IGSF21: variants seen among roughly 807,000 people sequenced by gnomAD.
The protein encoded by IGSF21 is immunoglobin superfamily member 21, also known as immunoglobulin superfamily member 21.
IGSF21 carries 28 observed loss-of-function variants against 46.8 expected under a neutral mutation model. That is an observed-to-expected ratio of 0.60 (90% CI 0.44 to 0.82). The LOEUF (loss-of-function observed/expected upper bound fraction) is 0.82. Among genes scored for constraint, IGSF21 ranks in the 40% least tolerant of loss-of-function variants. The probability of loss-of-function intolerance (pLI) is 0.00; values close to 1 mark genes in which losing one functional copy is unlikely to be tolerated. For synonymous variants in IGSF21, 284 were observed against 273.6 expected (o/e 1.04, Z -0.38); for missense variants, 624 against 665.5 (o/e 0.94, Z 0.69).
intron 1 of IGSF21, among the ~76,000 whole-genome samples, chr1:18,154,594 G>A (rs919333620): frequency 3.3e-5 from 5 of 151,068 alleles, no homozygotes; most frequent in African/African-American, 7.3e-5. Context: ...GAGGCCCAGG[G>A]CAGGGCTGGG....
chr1:18,176,943 A>C (rs2086805410), intron 1 of IGSF21, among the ~76,000 whole-genome samples: 2 of 152,198 alleles, frequency 1.3e-5, no homozygotes, highest in South Asian at 4.1e-4. Context: ...GGCACTTGAC[A>C]TACAGCGCTT....
At chr1:18,136,307 G>A (rs1191633772) in intron 1 of IGSF21, among the ~76,000 whole-genome samples, 11 of 152,060 alleles carry the variant, frequency 7.2e-5, no homozygotes, top group African/African-American at 2.4e-4. Context: ...CATTGCTTTT[G>A]GTGTTTTAGA....
At chr1:18,358,224 A>C (rs2086045735) in intron 4 of IGSF21, among the ~76,000 whole-genome samples, 1 of 152,180 alleles carries the variant, frequency 6.6e-6, no homozygotes, top group Non-Finnish European at 1.5e-5. Context: ...TACTTATAAA[A>C]TGGAAAGTCT....
intron 2 of IGSF21, among the ~76,000 whole-genome samples, chr1:18,237,954 G>A (rs1219913278): frequency 2.0e-5 from 3 of 152,122 alleles, no homozygotes; most frequent in Admixed American, 6.5e-5. Flanking sequence ...CTTGGGCCAG[G>A]GATTCTATGT....
chr1:18,369,763 G>T (rs1185641934), intron 6 of IGSF21, among the ~76,000 whole-genome samples: 1 of 152,180 alleles, frequency 6.6e-6, no homozygotes, highest in East Asian at 1.9e-4. Context: ...CTCTTCCCTT[G>T]CAGGGATGCC....
At chr1:18,152,805 C>A (rs2124435418) in intron 1 of IGSF21, among the ~76,000 whole-genome samples, 1 of 152,244 alleles carries the variant, frequency 6.6e-6, no homozygotes, top group African/African-American at 2.4e-5. Flanking sequence ...CAAGATGCCG[C>A]TTCTTCACGT....
chr1:18,350,250 G>T (rs1321331576), intron 4 of IGSF21, among the ~76,000 whole-genome samples: 8 of 152,200 alleles, frequency 5.3e-5, no homozygotes, highest in African/African-American at 1.9e-4. Flanking sequence ...TGGGCCAGGG[G>T]ACTCTCCCTG....
chr1:18,119,908 G>A (rs2086219644), intron 1 of IGSF21, among the ~76,000 whole-genome samples: 1 of 152,184 alleles, frequency 6.6e-6, no homozygotes, highest in South Asian at 2.1e-4. Context: ...AGTTAAAAAT[G>A]TTAAGTACAT....
At chr1:18,196,559 C>G (rs566300138) in intron 1 of IGSF21, among the ~76,000 whole-genome samples, 4 of 152,314 alleles carry the variant, frequency 2.6e-5, no homozygotes, top group African/African-American at 9.6e-5. Context: ...AAGGTACCCC[C>G]TGAAAAATTA....
intron 1 of IGSF21, among the ~76,000 whole-genome samples, chr1:18,223,888 G>A (rs978651872): frequency 5.3e-5 from 8 of 152,164 alleles, no homozygotes; most frequent in African/African-American, 1.9e-4. Flanking sequence ...AGCTTCCTGC[G>A]GGGATGAGAA....
intron 1 of IGSF21, among the ~76,000 whole-genome samples, chr1:18,214,542 T>C (rs555450983): frequency 1.3e-5 from 2 of 152,266 alleles, no homozygotes; most frequent in South Asian, 4.1e-4. Flanking sequence ...GTTTTCACAC[T>C]GCTATAAAGA....
chr1:18,373,145 G>T (rs1569899630), intron 6 of IGSF21, among the ~76,000 whole-genome samples: 1 of 152,158 alleles, frequency 6.6e-6, no homozygotes, highest in East Asian at 1.9e-4. Flanking sequence ...CAGGGTGGTA[G>T]CCTATTCTCC....
chr1:18,148,649 C>G (rs1305213656), intron 1 of IGSF21, among the ~76,000 whole-genome samples: 1 of 152,152 alleles, frequency 6.6e-6, no homozygotes. Context: ...TGCTGCATCC[C>G]CAGTGCCTAG....
intron 1 of IGSF21, among the ~76,000 whole-genome samples, chr1:18,207,575 A>G (rs534886168): frequency 1.3e-5 from 2 of 152,364 alleles, no homozygotes; most frequent in African/African-American, 2.4e-5. Flanking sequence ...CTCAAAGAGC[A>G]TTTATTAAGC....
chr1:18,294,247 T>C (rs566654340), intron 3 of IGSF21, among the ~76,000 whole-genome samples: 7 of 152,312 alleles, frequency 4.6e-5, no homozygotes, highest in African/African-American at 1.2e-4. Context: ...TGTGAGGAGC[T>C]GATGGCGTGC....
chr1:18,181,071 T>C (rs1049867170), intron 1 of IGSF21, among the ~76,000 whole-genome samples: 3 of 152,180 alleles, frequency 2.0e-5, no homozygotes, highest in Admixed American at 2.0e-4. Flanking sequence ...TCCCTTCTTC[T>C]GCATCCAGGC....
At chr1:18,273,409 C>CTCA in intron 2 of IGSF21, among the ~76,000 whole-genome samples, 1 of 146,000 alleles carries the variant, frequency 6.8e-6, no homozygotes, top group African/African-American at 2.6e-5. Context: ...CCTTTCCTTT[C>CTCA]CTTTCTTTTC....
chr1:18,257,964 A>G (rs983680179), intron 2 of IGSF21, among the ~76,000 whole-genome samples: 2 of 152,156 alleles, frequency 1.3e-5, no homozygotes, highest in African/African-American at 4.8e-5. Flanking sequence ...GATGCTCTTC[A>G]TTGAGCTGAG....
intron 4 of IGSF21, among the ~76,000 whole-genome samples, chr1:18,338,056 G>T (rs112235597): frequency 6.6e-6 from 1 of 152,104 alleles, no homozygotes; most frequent in Non-Finnish European, 1.5e-5. Flanking sequence ...GGCCTGGGAG[G>T]CAGGCACCAC....
Sources: allele counts gnomAD v4.1 joint callset (sites outside exome capture counted in the v4.1 genomes callset), GRCh38; gene constraint gnomAD v4.1.1; transcripts MANE v1.5; gene names NCBI Gene and HGNC (gene_info 2026-07-23, HGNC 2026-07-21).